Variants in TNRC6C observed in about 807,000 individuals in gnomAD.
The protein encoded by TNRC6C is trinucleotide repeat containing adaptor 6C.
TNRC6C carries 20 observed loss-of-function variants against 153.7 expected under a neutral mutation model. The observed-to-expected ratio is 0.13, with a 90% CI of 0.09 to 0.19. The LOEUF (loss-of-function observed/expected upper bound fraction) is 0.19. Ranked by LOEUF, TNRC6C falls within the 10% of genes least tolerant of loss-of-function variation. The probability of loss-of-function intolerance (pLI) is 1.00; values close to 1 mark genes in which losing one functional copy is unlikely to be tolerated. For missense variants in TNRC6C, 1,987 were observed against 2,172.0 expected (o/e 0.91, Z 1.69); for synonymous variants, 811 against 841.4 (o/e 0.96, Z 0.63).
At chr17:78,001,740 A>G (rs2071416003), upstream of TNRC6C, among the ~76,000 whole-genome samples, 2 of 152,202 alleles carry the variant, frequency 1.3e-5, no homozygotes, top group African/African-American at 4.8e-5. Context: ...AGCAGGGACA[A>G]AAACAAAGAT....
intron 2 of TNRC6C, among the ~76,000 whole-genome samples, 165 bp from the exon 5 acceptor site, chr17:78,048,680 T>A (rs1035652499): frequency 1.3e-5 from 2 of 152,244 alleles, no homozygotes; most frequent in African/African-American, 4.8e-5. Flanking sequence ...TAAAATGGGA[T>A]CTATTAAGAA....
At chr17:77,971,835 A>G (rs1339672909) in intron 1 of TNRC6C, among the ~76,000 whole-genome samples, 1 of 150,110 alleles carries the variant, frequency 6.7e-6, no homozygotes, top group African/African-American at 2.5e-5. Flanking sequence ...AAGAGCTCAC[A>G]AGGGAAAATT....
intron 1 of TNRC6C, among the ~76,000 whole-genome samples, chr17:78,016,710 A>G (rs1306611133): frequency 1.3e-5 from 2 of 152,078 alleles, no homozygotes; most frequent in Non-Finnish European, 2.9e-5. Context: ...CTCCTTTAAC[A>G]TGATTATTTA....
At chr17:78,086,337 A>AC (rs2073285314) in intron 11 of TNRC6C, among the ~76,000 whole-genome samples, 166 bp from the exon 14 acceptor site, 2 of 114,534 alleles carry the variant, frequency 1.7e-5, no homozygotes, top group South Asian at 2.8e-4. Context: ...CTAAAAAAAA[A>AC]AAAAAAAAAA....
chr17:77,998,575 C>T (rs2071364673), intron 1 of TNRC6C, among the ~76,000 whole-genome samples: 1 of 152,168 alleles, frequency 6.6e-6, no homozygotes, highest in African/African-American at 2.4e-5. Flanking sequence ...TTCACGTACT[C>T]TTTCCTCTTT....
At chr17:78,016,263 G>T (rs2071726601) in intron 1 of TNRC6C, among the ~76,000 whole-genome samples, 4 of 152,176 alleles carry the variant, frequency 2.6e-5, no homozygotes, top group Admixed American at 2.6e-4. Context: ...TGGGAATGTG[G>T]CCCCTGCACA....
intron 11 of TNRC6C, among the ~76,000 whole-genome samples, chr17:78,083,814 AT>A (rs567033238): frequency 5.3e-5 from 8 of 151,730 alleles, no homozygotes; most frequent in Non-Finnish European, 8.8e-5. Flanking sequence ...CATAATCTTG[AT>A]TTTTTTTTAA....
intron 1 of TNRC6C, among the ~76,000 whole-genome samples, chr17:77,984,845 C>A (rs2071138172): frequency 6.6e-6 from 1 of 152,184 alleles, no homozygotes; most frequent in Admixed American, 6.5e-5. Flanking sequence ...CACACACACA[C>A]ACTCTTTTAG....
rs149374823 is a variant in TNRC6C at position 77,985,799 on chromosome 17, C to T, written c.-37-18371C>T. 3.9e-4 allele frequency among the ~76,000 whole-genome samples: 59 copies of T among 152,228 alleles called. No individual in the cohort carries two copies. In the East Asian group the frequency reaches 7.5e-3, roughly 19 times the overall value. ...AGTCCCTGCAAATAGTACCTACATT[C>T]GTGTTTGATTAACTAGGGGAAGGTA... On this transcript the variant is annotated intron_variant, in intron 1 of 22. Transcript: ENST00000636222.
chr17:78,067,630 T>C (rs1020282636), intron 4 of TNRC6C, 127 bp from the exon 7 acceptor site: 5 of 956,592 alleles, frequency 5.2e-6, no homozygotes, highest in Non-Finnish European at 7.5e-6. Flanking sequence ...CTGGGAGAAA[T>C]GAAGGCATAA....
At chr17:78,000,280 T>G (rs2143143577), upstream of TNRC6C, among the ~76,000 whole-genome samples, 1 of 152,326 alleles carries the variant, frequency 6.6e-6, no homozygotes, top group South Asian at 2.1e-4. Flanking sequence ...TATAGAGTAT[T>G]AAATATAATT....
intron 2 of TNRC6C, among the ~76,000 whole-genome samples, chr17:78,047,440 A>T (rs1436804537): frequency 6.6e-6 from 1 of 152,156 alleles, no homozygotes; most frequent in Non-Finnish European, 1.5e-5. Context: ...CCTACTTTGA[A>T]ATCACCTAGA....
chr17:78,022,560 G>A lies in TNRC6C; in HGVS notation c.-545-8956G>A, dbSNP rs934670794. 2.0e-5 allele frequency among the ~76,000 whole-genome samples: 3 copies of A among 152,272 alleles called. No individual in the cohort carries two copies. In the East Asian group the frequency reaches 5.8e-4, roughly 29 times the overall value. The stretch of plus-strand genomic sequence containing the variant: ...GATGTGAGTTCTAGTCCCAGTGGTA[G>A]CTGGGTCAGTCATCTCAGCCATATC... On this transcript the variant is annotated intron_variant, in intron 1 of 19. Coordinates refer to ENST00000301624, the Ensembl canonical transcript of TNRC6C.
At chr17:78,008,702 T>C (rs2071566933) in intron 1 of TNRC6C, 1 of 152,178 alleles carries the variant, frequency 6.6e-6, no homozygotes, top group South Asian at 2.1e-4. Flanking sequence ...GTTGTTGTTG[T>C]AGTCAACTTT....
chr17:78,030,402 G>A (rs934363306), intron 1 of TNRC6C, among the ~76,000 whole-genome samples: 1 of 151,996 alleles, frequency 6.6e-6, no homozygotes, highest in African/African-American at 2.4e-5. Flanking sequence ...GACCTCAGGT[G>A]ATCCGCCCAC....
intron 13 of TNRC6C, among the ~76,000 whole-genome samples, chr17:78,088,961 T>C (rs2073347213): frequency 1.8e-5 from 1 of 54,246 alleles, no homozygotes; most frequent in Non-Finnish European, 3.2e-5. Flanking sequence ...TATCGTTACT[T>C]TTTTTTTTTT....
chr17:78,005,126 A>AT (rs1453891402), intron 1 of TNRC6C, 47 bp downstream of exon 3: 20 of 1,204,270 alleles, frequency 1.7e-5, no homozygotes, highest in Non-Finnish European at 2.0e-5. Context: ...CGGTACCAAA[A>AT]TTTTTATGAC....
At chr17:78,061,348 G>A (rs931145459) in intron 3 of TNRC6C, among the ~76,000 whole-genome samples, 3 of 152,146 alleles carry the variant, frequency 2.0e-5, no homozygotes, top group African/African-American at 4.8e-5. Flanking sequence ...TTAATTCTAT[G>A]TACTTAAAAT....
chr17:77,972,020 A>G (rs1429323890), intron 1 of TNRC6C, among the ~76,000 whole-genome samples: 1 of 152,194 alleles, frequency 6.6e-6, no homozygotes, highest in Non-Finnish European at 1.5e-5. Context: ...GAATCTAGAG[A>G]GAACAAACTA....
Sources: allele counts gnomAD v4.1 joint callset (sites outside exome capture counted in the v4.1 genomes callset), GRCh38; gene constraint gnomAD v4.1.1; transcripts MANE v1.5; gene names NCBI Gene and HGNC (gene_info 2026-07-23, HGNC 2026-07-21).